The following NTSR1 variants were observed in gnomAD, a reference collection of about 807,000 sequenced individuals.
The protein encoded by NTSR1 is neurotensin receptor type 1.
Under a neutral mutation model 31.2 loss-of-function variants are expected in NTSR1, and 29 were observed. The ratio of observed to expected loss-of-function variants is 0.93; its 90% CI spans 0.69 to 1.27. The LOEUF (loss-of-function observed/expected upper bound fraction) is 1.27. NTSR1 is among the 50% of genes most tolerant of loss of function. NTSR1 has a pLI of 0.00. For missense variants in NTSR1, 697 were observed against 595.4 expected (o/e 1.17, Z -1.78); for synonymous variants, 282 against 269.9 (o/e 1.04, Z -0.44).
At chr20:62,746,251 G>C (rs1277115851) in intron 1 of NTSR1, among the ~76,000 whole-genome samples, 20 of 152,194 alleles carry the variant, frequency 1.3e-4, no homozygotes, top group Non-Finnish European at 1.5e-5. Context: ...CGTCTGCCAG[G>C]AGAGCTTAGG....
rs1989029912 is a variant in NTSR1 at position 62,733,163 on chromosome 20, A to ACATTCTTT, written c.715-21521_715-21520insATTCTTTC. ...AGTAAATGTCATCGGCAGTGTGTAG[A>ACATTCTTT]CGTTCTTTCGGAAGAAGATCTGTCA... On this transcript the variant is annotated intron_variant, in intron 1 of 3. Coordinates refer to ENST00000370501, the MANE Select transcript of NTSR1 (RefSeq NM_002531.3). The surrounding 1 kb of genome is among the most constrained non-coding windows in gnomAD (Gnocchi z 5.2). The ACATTCTTT allele has an allele frequency of 6.6e-6, 1 of 151,438 alleles. No individual in the cohort carries two copies. The highest frequency in any genetic ancestry group is 2.1e-4 in the South Asian group (1 of 4,810). The allele number at this position is 151,438 out of a possible 1,614,324, so 9.4% of individuals were successfully genotyped here.
Position 62,760,223 on chromosome 20 carries a change from A to G in NTSR1, c.1213A>G (p.Asn405Asp), listed in dbSNP as rs773560374. Residue 405 changes from asparagine (N) to aspartate (D), a missense_variant, in exon 4 of 4, where the codon AAC (asparagine) becomes GAC (aspartate). Coordinates refer to ENST00000370501, the MANE Select transcript of NTSR1 (RefSeq NM_002531.3). The part of the protein sequence containing the change: ...FSRKADSVSS[N>D]HTLSSNATRE... The stretch of plus-strand genomic sequence containing the variant: ...GAGGAAGGCCGACAGCGTGTCCAGC[A>G]ACCACACCCTCTCCAGCAATGCCAC... The G allele has an allele frequency of 6.2e-7, 1 of 1,613,572 alleles. No individual in the cohort carries two copies. The highest frequency in any genetic ancestry group is 1.1e-5 in the South Asian group (1 of 91,076).
chr20:62,757,009 ATT>A (rs1989524749), intron 2 of NTSR1, among the ~76,000 whole-genome samples: 1 of 152,058 alleles, frequency 6.6e-6, no homozygotes, highest in African/African-American at 2.4e-5. Context: ...ATTTGCAAAT[ATT>A]TTCTCCTTTT....
intron 1 of NTSR1, among the ~76,000 whole-genome samples, chr20:62,719,873 G>A (rs1287058056): frequency 3.9e-5 from 6 of 152,146 alleles, no homozygotes; most frequent in African/African-American, 7.2e-5. Context: ...GAGCTGGGAG[G>A]TTCTTGTTCC....
At position 62,740,121 on chromosome 20, in the gene NTSR1, G is replaced by A. The variant is rs372136152; in HGVS notation, c.715-14564G>A. ...CCTGCATGGAGCAGAGAACTTTTCC[G>A]GATGGTGTGGCTTTTTTCAAGGAAC... is the stretch of plus-strand genomic sequence containing the variant. On this transcript the variant is annotated intron_variant, in intron 1 of 3. Coordinates refer to ENST00000370501, the MANE Select transcript of NTSR1 (RefSeq NM_002531.3). Among the ~76,000 whole-genome samples, 44 of 152,370 alleles carry A rather than the reference G, an allele frequency of 2.9e-4. 1 individual carries two copies. In the East Asian group the frequency reaches 3.9e-3, roughly 13 times the overall value.
At position 62,709,549 on chromosome 20, in the gene NTSR1, C is replaced by A; in HGVS notation, c.342C>A (p.Leu114=). The change falls in exon 1 of 4, where the codon CTC becomes CTA. Residue 114 remains leucine, a synonymous_variant. Transcript: ENST00000370501. ...GCAGCCTGGCGCTGTCCGACCTGCT[C>A]ACCCTGCTGCTGGCCATGCCCGTGG... The part of the protein sequence containing the change: ...HLGSLALSDL[L]TLLLAMPVEL... 6.2e-7 allele frequency: 1 copy of A among 1,612,088 alleles called. No individual in the cohort carries two copies. Among genetic ancestry groups the A allele is most frequent in the South Asian group, 1.1e-5 (1 of 91,088 alleles).
intron 1 of NTSR1, among the ~76,000 whole-genome samples, chr20:62,713,712 CATGCGGCA>C: frequency 6.6e-6 from 1 of 152,236 alleles, no homozygotes; most frequent in Non-Finnish European, 1.5e-5. Flanking sequence ...GCTTGCGGGT[CATGCGGCA>C]TTGGGCTGCA....
chr20:62,725,409 C>G (rs1389373747), intron 1 of NTSR1, among the ~76,000 whole-genome samples: 2 of 152,202 alleles, frequency 1.3e-5, no homozygotes, highest in East Asian at 3.9e-4. Flanking sequence ...AGGCGGGAGG[C>G]GAGTGGGCTC....
At chr20:62,738,150 C>T (rs1989138658) in intron 1 of NTSR1, among the ~76,000 whole-genome samples, 1 of 152,246 alleles carries the variant, frequency 6.6e-6, no homozygotes, top group Non-Finnish European at 1.5e-5. Flanking sequence ...ACGAGGCGGG[C>T]CTGGGCACGC....
At chr20:62,738,977 C>T (rs183395421) in intron 1 of NTSR1, among the ~76,000 whole-genome samples, 219 of 152,340 alleles carry the variant, frequency 1.4e-3, no homozygotes, top group Admixed American at 2.8e-3. Context: ...TGGGACTTGT[C>T]GCCTCCCCAG....
chr20:62,739,350 C>T (rs1004318698), intron 1 of NTSR1, among the ~76,000 whole-genome samples: 1 of 152,246 alleles, frequency 6.6e-6, no homozygotes, highest in Non-Finnish European at 1.5e-5. Context: ...CCCTTCCTTT[C>T]GGCCACTCAG....
At chr20:62,724,413 G>GTAAT (rs1480507945) in intron 1 of NTSR1, among the ~76,000 whole-genome samples, 1 of 141,026 alleles carries the variant, frequency 7.1e-6, no homozygotes, top group Admixed American at 7.3e-5. Flanking sequence ...CTAGAAGCGG[G>GTAAT]TAATTGCAGG....
intron 1 of NTSR1, among the ~76,000 whole-genome samples, chr20:62,749,023 C>T (rs1354479021): frequency 2.6e-5 from 4 of 152,130 alleles, no homozygotes; most frequent in African/African-American, 7.2e-5. Flanking sequence ...TGTAAATTAC[C>T]CAGTTTCAGG....
chr20:62,747,345 G>A (rs1328460210), intron 1 of NTSR1, among the ~76,000 whole-genome samples: 8 of 131,532 alleles, frequency 6.1e-5, no homozygotes, highest in Admixed American at 7.5e-5. Context: ...TAAAGGCCAC[G>A]TATGACAGAC....
rs138538289 is a variant in NTSR1 at position 62,718,612 on chromosome 20, G to A, written c.714+8691G>A. ...ACAGCTTTGCCTTTTCTGGGACGTC[G>A]AGTGAATGGAGCCAGCTGGGCTGTG... On this transcript the variant is annotated intron_variant, in intron 1 of 3. Transcript: ENST00000370501. 6.0e-3 allele frequency among the ~76,000 whole-genome samples: 878 copies of A among 147,328 alleles called. 13 individuals carry two copies. The highest frequency in any genetic ancestry group is 0.021 in the African/African-American group (846 of 39,910).
At position 62,709,779 on chromosome 20, in the gene NTSR1, C is replaced by T; in HGVS notation, c.572C>T (p.Ala191Val). 6.2e-7 allele frequency: 1 copy of T among 1,613,064 alleles called. No individual in the cohort carries two copies. The highest frequency in any genetic ancestry group is 1.1e-5 in the South Asian group (1 of 91,090). Residue 191 changes from alanine (A) to valine (V), a missense_variant, in exon 1 of 4, where the codon GCC becomes GTC. Ala to Val is a moderately conservative substitution (Grantham distance 64). Transcript: ENST00000370501. ...AGCCGCACCAAGAAGTTCATCAGCG[C>T]CATCTGGCTCGCCTCGGCCCTGCTG... ...SRSRTKKFIS[A>V]IWLASALLAV...
At chr20:62,735,390 G>A (rs116918368) in intron 1 of NTSR1, 5,112 of 152,296 alleles carry the variant, frequency 0.034, 114 homozygotes, top group Non-Finnish European at 0.052. Flanking sequence ...GTGGGACTGC[G>A]AGGGAAGGCA....
At chr20:62,726,108 C>T (rs1379606156) in intron 1 of NTSR1, among the ~76,000 whole-genome samples, 3 of 152,220 alleles carry the variant, frequency 2.0e-5, no homozygotes, top group Non-Finnish European at 2.9e-5. Context: ...CACCGGGTCA[C>T]CGGCAGCTCC....
intron 1 of NTSR1, among the ~76,000 whole-genome samples, chr20:62,754,402 C>G (rs529166636): frequency 1.3e-5 from 2 of 152,188 alleles, no homozygotes; most frequent in Non-Finnish European, 2.9e-5. Flanking sequence ...TTGCTGTGTA[C>G]AGGCGGGACC....
Sources: allele counts gnomAD v4.1 joint callset (sites outside exome capture counted in the v4.1 genomes callset), GRCh38; gene constraint gnomAD v4.1.1; non-coding constraint Gnocchi (gnomAD v3.1); transcripts MANE v1.5; gene names NCBI Gene and HGNC (gene_info 2026-07-23, HGNC 2026-07-21).